WDR33: variants seen among roughly 807,000 people sequenced by gnomAD.
The protein encoded by WDR33 is WD repeat domain 33, also known as pre-mRNA 3' end processing protein WDR33.
A neutral mutation model predicts 164.9 loss-of-function variants in WDR33; 47 were observed. The ratio of observed to expected loss-of-function variants is 0.29; its 90% CI spans 0.23 to 0.36. The LOEUF (loss-of-function observed/expected upper bound fraction) is 0.36. Ranked by LOEUF, WDR33 falls within the 10% of genes least tolerant of loss-of-function variation. The probability of loss-of-function intolerance (pLI) is 1.00; values close to 1 mark genes in which losing one functional copy is unlikely to be tolerated. For missense variants in WDR33, 1,137 were observed against 1,754.1 expected (o/e 0.65, Z 6.28); for synonymous variants, 505 against 589.0 (o/e 0.86, Z 2.06).
rs574604308 is a variant in WDR33 at position 127,737,726 on chromosome 2, C to T, written c.725-10949G>A. 8 of 1,168,232 alleles carry T rather than the reference C, an allele frequency of 6.8e-6. No individual in the cohort carries two copies. The African/African-American group carries it at 1.1e-4, about 16-fold the overall frequency. 72.4% of individuals were successfully genotyped at this position (1,168,232 alleles called of 1,614,324 possible). ...ACAAAAGATGTTTCAAATGATTCTT[C>T]TGGAGCACTTCCATGGTAAGCAGTC... On this transcript the variant is annotated intron_variant, in intron 7 of 21. Transcript: ENST00000322313.
intron 1 of WDR33, among the ~76,000 whole-genome samples, chr2:127,787,023 TC>T (rs1688604447): frequency 8.8e-6 from 1 of 113,096 alleles, no homozygotes; most frequent in Admixed American, 9.5e-5. Context: ...AGTGTTTGTG[TC>T]CCTGATTACT....
At position 127,708,252 on chromosome 2, in the gene WDR33, T is replaced by G. The variant is rs939340072; in HGVS notation, c.3781+425A>C. ...CCCATAGACCATGTTTCCCAAAGTC[T>G]CTGTGACTTTGAGCACAAGCAGTGT... On this transcript the variant is annotated intron_variant, in intron 21 of 21. Coordinates refer to ENST00000322313, the MANE Select transcript of WDR33 (RefSeq NM_018383.5). This position sits in a 1 kb window ranked among gnomAD's most constrained non-coding sequence, Gnocchi z 6.7. Among the ~76,000 whole-genome samples the G allele has an allele frequency of 2.6e-5, 4 of 152,140 alleles. No homozygotes were observed. Among genetic ancestry groups the G allele is most frequent in the Non-Finnish European group, 5.9e-5 (4 of 68,010 alleles).
intron 7 of WDR33, among the ~76,000 whole-genome samples, chr2:127,752,507 G>A (rs926058227): frequency 1.7e-4 from 25 of 150,794 alleles, no homozygotes; most frequent in African/African-American, 5.8e-4. Context: ...GGAGAATGGC[G>A]TGAACCCGGG....
rs1471961974 is a variant in WDR33, at chr2:127,719,716, G to A, written c.2309C>T (p.Pro770Leu). 5 of 1,613,726 alleles carry A rather than the reference G, an allele frequency of 3.1e-6. No individual in the cohort carries two copies. In the South Asian group the frequency reaches 4.4e-5, roughly 14 times the overall value. The stretch of plus-strand genomic sequence containing the variant: ...TCCCATCAGAGGTCCCTGAGACACA[G>A]GACCTTGGATCCCTTGAGACCCTGG... ...GGPGSQGIQGPVSQGPLMGLN... is the reference protein window; with the variant it reads ...GGPGSQGIQGLVSQGPLMGLN... Residue 770 changes from proline (P) to leucine (L), a missense_variant, in exon 16 of 22, where the codon CCT becomes CTT. This residue lies in a region of WDR33 where 867 missense variants were observed against 1,073.0 expected (regional missense o/e 0.81). Coordinates refer to ENST00000322313, the MANE Select transcript of WDR33 (RefSeq NM_018383.5). This position sits in a 1 kb window ranked among gnomAD's most constrained non-coding sequence, Gnocchi z 6.5.
rs1685903318 is a variant in WDR33 at position 127,702,004 on chromosome 2, C to T, written c.*4319G>A. On this transcript the variant is annotated 3_prime_UTR_variant, in exon 22 of 22. Transcript: ENST00000322313. ...GCAGCGCTGGGCGCCACGCTGTTCG[C>T]CGCGCTGGGCCTTCGCAGCACGCTG... The T allele has an allele frequency of 8.4e-6, 11 of 1,310,782 alleles. No individual in the cohort carries two copies. Among genetic ancestry groups the T allele is most frequent in the Non-Finnish European group, 9.7e-6 (10 of 1,033,044 alleles). The allele number at this position is 1,310,782 out of a possible 1,614,324, so 81.2% of individuals were successfully genotyped here. A position where few individuals can be genotyped will look rare whatever the true frequency, so the allele number is the denominator to read the frequency against.
At chr2:127,736,718 G>A in intron 7 of WDR33, 1 of 985,350 alleles carries the variant, frequency 1.0e-6, no homozygotes, top group Non-Finnish European at 1.2e-6. Flanking sequence ...AAGTACTTCT[G>A]GCATCAAAGT....
intron 1 of WDR33, among the ~76,000 whole-genome samples, chr2:127,771,741 G>A (rs1484575680): frequency 1.4e-5 from 2 of 140,212 alleles, no homozygotes; most frequent in African/African-American, 2.6e-5. Context: ...TCATGCCACC[G>A]CACTCCAGCC....
rs1019182679 is a variant in WDR33, at chr2:127,770,551, C to A, written c.204+227G>T. Among the ~76,000 whole-genome samples, 1 of 152,018 alleles carries A rather than the reference C, an allele frequency of 6.6e-6. No homozygotes were observed. The highest frequency in any genetic ancestry group is 2.4e-5 in the African/African-American group (1 of 41,368). ...ACTAAAACTACAAAAATTAGCCGGGCATGGTAGCAGGTGCCTATAATCCCA... is the reference window on the plus strand; with the variant it reads ...ACTAAAACTACAAAAATTAGCCGGGAATGGTAGCAGGTGCCTATAATCCCA... On this transcript the variant is annotated intron_variant, in intron 2 of 21. Coordinates refer to ENST00000322313, the MANE Select transcript of WDR33 (RefSeq NM_018383.5). The surrounding 1 kb of genome is among the most constrained non-coding windows in gnomAD (Gnocchi z 4.9).
At chr2:127,806,757 TTA>T (rs201932228) in intron 1 of WDR33, among the ~76,000 whole-genome samples, 11,504 of 151,982 alleles carry the variant, frequency 0.076, 446 homozygotes, top group Non-Finnish European at 0.091. Context: ...GATAATGATT[TTA>T]TATGTTTTCA....
Position 127,708,557 on chromosome 2 carries a change from C to T in WDR33, c.3781+120G>A. On this transcript the variant is annotated intron_variant, in intron 21 of 21. Transcript: ENST00000322313. The surrounding 1 kb of genome is among the most constrained non-coding windows in gnomAD (Gnocchi z 6.7). ...ATGACAGCTCGTGTGGCACTGGCAC[C>T]ACATTTAGGAGCATGTGCCTCTGCA... The T allele has an allele frequency of 8.7e-7, 1 of 1,145,516 alleles. No individual in the cohort carries two copies. Among genetic ancestry groups the T allele is most frequent in the Non-Finnish European group, 1.2e-6 (1 of 819,514 alleles). 71.0% of individuals were successfully genotyped at this position (1,145,516 alleles called of 1,614,324 possible). A position where few individuals can be genotyped will look rare whatever the true frequency, so the allele number is the denominator to read the frequency against.
intron 1 of WDR33, among the ~76,000 whole-genome samples, chr2:127,796,334 A>G (rs770103194): frequency 1.3e-5 from 2 of 151,952 alleles, no homozygotes; most frequent in Non-Finnish European, 2.9e-5. Context: ...TCAGCCTCCC[A>G]AAGTACTGGG....
At chr2:127,728,991 GCTTT>G (rs1686637100) in intron 7 of WDR33, among the ~76,000 whole-genome samples, 1 of 152,142 alleles carries the variant, frequency 6.6e-6, no homozygotes. Context: ...CAGCTGCTTT[GCTTT>G]CTAATGTTCT....
rs1473310128 is a variant in WDR33 at position 127,716,362 on chromosome 2, A to C, written c.2869+793T>G. ...AAGAGAGTAAAGTTCTGTGAAGGGC[A>C]ATCTCTGCGGTCCTCCTGATTCTCC... On this transcript the variant is annotated intron_variant, in intron 17 of 21. Coordinates refer to ENST00000322313, the MANE Select transcript of WDR33 (RefSeq NM_018383.5). This position sits in a 1 kb window ranked among gnomAD's most constrained non-coding sequence, Gnocchi z 4.5. Among the ~76,000 whole-genome samples, 1 of 152,218 alleles carries C rather than the reference A, an allele frequency of 6.6e-6. No individual in the cohort carries two copies. Among genetic ancestry groups the C allele is most frequent in the Admixed American group, 6.5e-5 (1 of 15,294 alleles).
Position 127,726,866 on chromosome 2 carries a change from T to C in WDR33, c.725-89A>G. Reference sequence around the variant, plus strand: ...AAGTAGAGAAACCTAGTAAATGTTTTGCTCTCAGTGCTCAGTCAACTTAAA... The same window carrying C: ...AAGTAGAGAAACCTAGTAAATGTTTCGCTCTCAGTGCTCAGTCAACTTAAA... On this transcript the variant is annotated intron_variant, in intron 7 of 21. Transcript: ENST00000322313. This position sits in a 1 kb window ranked among gnomAD's most constrained non-coding sequence, Gnocchi z 4.8. 1.3e-6 allele frequency: 2 copies of C among 1,516,676 alleles called. No homozygotes were observed. Among genetic ancestry groups the C allele is most frequent in the Middle Eastern group, 3.7e-4 (2 of 5,426 alleles). 94.0% of individuals were successfully genotyped at this position (1,516,676 alleles called of 1,614,324 possible). A position where few individuals can be genotyped will look rare whatever the true frequency, so the allele number is the denominator to read the frequency against.
intron 7 of WDR33, among the ~76,000 whole-genome samples, chr2:127,734,994 A>G (rs1686804166): frequency 6.6e-6 from 1 of 152,226 alleles, no homozygotes; most frequent in African/African-American, 2.4e-5. Context: ...TCCTTAATAA[A>G]CCTTAAAATT....
chr2:127,746,998 C>G (rs1007805973), intron 7 of WDR33, among the ~76,000 whole-genome samples: 1 of 152,108 alleles, frequency 6.6e-6, no homozygotes, highest in African/African-American at 2.4e-5. Context: ...TGTAAATATA[C>G]GATTATAGAA....
chr2:127,723,242 A>C lies in WDR33; in HGVS notation c.1291+11T>G, dbSNP rs757545390. On this transcript the variant is annotated intron_variant, in intron 12 of 21. Coordinates refer to ENST00000322313, the MANE Select transcript of WDR33 (RefSeq NM_018383.5). The surrounding 1 kb of genome is among the most constrained non-coding windows in gnomAD (Gnocchi z 5.9). ...AGATTTCAAAGAAGGACAGATGTGC[A>C]AGAGTCTCACCATATTCTACTCCAT... 1.9e-6 allele frequency: 3 copies of C among 1,609,328 alleles called. No homozygotes were observed. The Admixed American group carries it at 5.0e-5, about 27-fold the overall frequency.
In WDR33 at chr2:127,714,016, A is replaced by T; in HGVS notation, c.2875T>A (p.Ser959Thr). The change falls in exon 18 of 22, where the codon TCC becomes ACC. Residue 959 changes from serine (S) to threonine (T), a missense_variant. Coordinates refer to ENST00000322313, the MANE Select transcript of WDR33 (RefSeq NM_018383.5). This position sits in a 1 kb window ranked among gnomAD's most constrained non-coding sequence, Gnocchi z 4.3. ...GQGPGPNKGDSRGPPNHHMGP... is the reference protein window; with the variant it reads ...GQGPGPNKGDTRGPPNHHMGP... ...ATGTGATGGTTTGGAGGGCCGCGGG[A>T]GTCACCTAAAGGAAACAAAGCTGAC... The T allele has an allele frequency of 6.6e-7, 1 of 1,516,634 alleles. No individual in the cohort carries two copies. Among genetic ancestry groups the T allele is most frequent in the Non-Finnish European group, 8.8e-7 (1 of 1,138,620 alleles). 93.9% of individuals were successfully genotyped at this position (1,516,634 alleles called of 1,614,324 possible). A position where few individuals can be genotyped will look rare whatever the true frequency, so the allele number is the denominator to read the frequency against.
In WDR33 at chr2:127,701,558, G is replaced by T; in HGVS notation, c.*4765C>A. ...CGGACCTCCACCGCCAGCTGCAGGA[G>T]TACCTGGCGCAGGGGAAAGCTGGCG... On this transcript the variant is annotated 3_prime_UTR_variant, in exon 22 of 22. Coordinates refer to ENST00000322313, the MANE Select transcript of WDR33 (RefSeq NM_018383.5). 1 of 1,368,498 alleles carries T rather than the reference G, an allele frequency of 7.3e-7. No individual in the cohort carries two copies. Among genetic ancestry groups the T allele is most frequent in the Non-Finnish European group, 9.4e-7 (1 of 1,059,802 alleles). 84.8% of individuals were successfully genotyped at this position (1,368,498 alleles called of 1,614,324 possible).
Sources: gnomAD v4.1 joint callset for allele counts (sites outside exome capture counted in the v4.1 genomes callset) on GRCh38, gnomAD v4.1.1 for gene constraint, gnomAD v4.1.1 regional missense constraint, Gnocchi (gnomAD v3.1) non-coding constraint, MANE v1.5 for transcripts, NCBI Gene and HGNC (gene_info 2026-07-23, HGNC 2026-07-21) for gene names.